RARB: variants seen among roughly 807,000 people sequenced by gnomAD.
The protein encoded by RARB is retinoic acid receptor beta, also known as HBV-activated protein.
Under a neutral mutation model 51.9 loss-of-function variants are expected in RARB, and 17 were observed. The ratio of observed to expected loss-of-function variants is 0.33; its 90% CI spans 0.22 to 0.49. RARB has a LOEUF of 0.49. Ranked by LOEUF, RARB falls within the 20% of genes least tolerant of loss-of-function variation. The pLI is 0.99. For missense variants in RARB, 369 were observed against 550.8 expected, an observed-to-expected ratio of 0.67 and a Z score of 3.30; for synonymous variants, 215 against 195.4, an observed-to-expected ratio of 1.10 and a Z score of -0.84.
chr3:25,432,187 C>A (rs563425704), intron 1 of RARB, among the ~76,000 whole-genome samples: 1 of 152,156 alleles, frequency 6.6e-6, no homozygotes, highest in East Asian at 1.9e-4. Context: ...GAAAGATTCA[C>A]AAAGTTTTCC....
chr3:24,910,703 CT>C (rs946986924), intron 2 of RARB, among the ~76,000 whole-genome samples: 1 of 152,110 alleles, frequency 6.6e-6, no homozygotes, highest in Non-Finnish European at 1.5e-5. Context: ...TTTTTCAATG[CT>C]TGTGTCTGAC....
chr3:25,403,061 G>A (rs536741368), intron 5 of RARB, among the ~76,000 whole-genome samples: 1 of 151,704 alleles, frequency 6.6e-6, no homozygotes, highest in South Asian at 2.1e-4. Flanking sequence ...TACTTGGGAG[G>A]CCTAGGCAGA....
At chr3:25,166,236 A>G (rs569062757) in intron 4 of RARB, among the ~76,000 whole-genome samples, 1 of 152,200 alleles carries the variant, frequency 6.6e-6, no homozygotes, top group Non-Finnish European at 1.5e-5. Flanking sequence ...TATTTATGAT[A>G]AGGATGCTGA....
At chr3:25,403,946 C>T (rs1471082081) in intron 5 of RARB, among the ~76,000 whole-genome samples, 1 of 144,978 alleles carries the variant, frequency 6.9e-6, no homozygotes, top group African/African-American at 2.6e-5. Flanking sequence ...TAGTTATAGG[C>T]CAAAGCTTCC....
intron 3 of RARB, among the ~76,000 whole-genome samples, chr3:25,540,928 T>C (rs1016421915): frequency 6.6e-6 from 1 of 151,288 alleles, no homozygotes; most frequent in African/African-American, 2.4e-5. Context: ...ACTCCTTGCA[T>C]TCTGGCTTCT....
intron 6 of RARB, among the ~76,000 whole-genome samples, 198 bp downstream of exon 6, chr3:25,593,905 C>T (rs556484870): frequency 7.2e-5 from 11 of 152,254 alleles, no homozygotes; most frequent in African/African-American, 2.6e-4. Flanking sequence ...GATCCTTCTG[C>T]TCAGAAAGAA....
intron 3 of RARB, among the ~76,000 whole-genome samples, chr3:25,562,177 T>C (rs531541658): frequency 1.3e-5 from 2 of 152,260 alleles, no homozygotes; most frequent in African/African-American, 4.8e-5. Context: ...TGAACTTGAG[T>C]TTGGCACAGC....
At chr3:25,593,775 AATTCCTC>A in intron 6 of RARB, 68 bp downstream of exon 6, 1 of 1,478,684 alleles carries the variant, frequency 6.8e-7, no homozygotes, top group Non-Finnish European at 9.3e-7. Flanking sequence ...ATTTGTGAAA[AATTCCTC>A]ATTTCCCTTT....
intron 3 of RARB, among the ~76,000 whole-genome samples, chr3:25,130,637 G>T (rs1323832650): frequency 1.3e-5 from 2 of 151,776 alleles, no homozygotes; most frequent in Admixed American, 6.6e-5. Context: ...AGGGACCTGG[G>T]TGTGGGGGAA....
At chr3:25,525,497 C>G (rs747772080) in intron 3 of RARB, among the ~76,000 whole-genome samples, 1 of 152,166 alleles carries the variant, frequency 6.6e-6, no homozygotes, top group African/African-American at 2.4e-5. Context: ...CGGGCTCATG[C>G]CTTCATGAAT....
chr3:24,882,294 A>G (rs1161758587), intron 2 of RARB, among the ~76,000 whole-genome samples: 4 of 152,242 alleles, frequency 2.6e-5, no homozygotes, highest in African/African-American at 9.6e-5. Flanking sequence ...GATTCAGCCA[A>G]TTGTCATTTA....
chr3:25,501,366 T>C, intron 3 of RARB, 43 bp downstream of exon 3: 3 of 1,597,746 alleles, frequency 1.9e-6, no homozygotes, highest in Non-Finnish European at 1.7e-6. Flanking sequence ...TTTCCTTATC[T>C]CTGTGATTTG....
At chr3:24,832,086 A>C (rs570659629) in intron 1 of RARB, among the ~76,000 whole-genome samples, 8 of 152,192 alleles carry the variant, frequency 5.3e-5, no homozygotes, top group Non-Finnish European at 1.0e-4. Flanking sequence ...AACCTTAGGG[A>C]CATTTGTGAA....
intron 4 of RARB, among the ~76,000 whole-genome samples, chr3:25,166,080 C>G (rs748389478): frequency 2.0e-5 from 3 of 152,026 alleles, no homozygotes; most frequent in South Asian, 2.1e-4. Context: ...GTCTAAGACT[C>G]CTTTGACTGC....
At chr3:24,939,123 C>G (rs1026944696) in intron 2 of RARB, among the ~76,000 whole-genome samples, 3 of 152,108 alleles carry the variant, frequency 2.0e-5, no homozygotes, top group Non-Finnish European at 4.4e-5. Context: ...GCTAGGATTA[C>G]AGGCGTGCAC....
intron 3 of RARB, among the ~76,000 whole-genome samples, chr3:25,082,019 G>T (rs762856304): frequency 1.3e-5 from 2 of 151,928 alleles, no homozygotes; most frequent in Admixed American, 6.6e-5. Context: ...TTTTATGATT[G>T]CTATCTCTGC....
intron 2 of RARB, among the ~76,000 whole-genome samples, chr3:24,957,237 C>G (rs1216292966): frequency 6.6e-6 from 1 of 152,204 alleles, no homozygotes; most frequent in Non-Finnish European, 1.5e-5. Flanking sequence ...CAAATATATT[C>G]TAGCAGCCTG....
intron 5 of RARB, among the ~76,000 whole-genome samples, chr3:25,371,020 A>G (rs1706282946): frequency 6.6e-6 from 1 of 152,112 alleles, no homozygotes; most frequent in Non-Finnish European, 1.5e-5. Context: ...TCTCTCATAA[A>G]AACACTTGTC....
intron 3 of RARB, among the ~76,000 whole-genome samples, chr3:25,097,556 C>G (rs377114976): frequency 1.3e-5 from 2 of 152,142 alleles, no homozygotes; most frequent in Admixed American, 6.5e-5. Flanking sequence ...GAGGGAGGCT[C>G]GCTTGAGCCC....
Sources: allele counts gnomAD v4.1 joint callset (sites outside exome capture counted in the v4.1 genomes callset), GRCh38; gene constraint gnomAD v4.1.1; transcripts MANE v1.5; gene names NCBI Gene and HGNC (gene_info 2026-07-23, HGNC 2026-07-21).